BTG4: variants seen among roughly 807,000 people sequenced by gnomAD.
BTG4 encodes protein BTG4.
A neutral mutation model predicts 19.3 loss-of-function variants in BTG4; 10 were observed. That is an observed-to-expected ratio of 0.52 (90% CI 0.32 to 0.88). BTG4 has a LOEUF of 0.88. Ranked by LOEUF, BTG4 falls within the 40% of genes least tolerant of loss-of-function variation. BTG4 has a pLI of 0.04. For missense variants in BTG4, 238 were observed against 281.9 expected, an observed-to-expected ratio of 0.84 and a Z score of 1.11; for synonymous variants, 91 against 95.7, an observed-to-expected ratio of 0.95 and a Z score of 0.29.
chr11:111,409,884 A>C, the BTG4 span, among the ~76,000 whole-genome samples: 4 of 152,228 alleles, frequency 2.6e-5, no homozygotes, highest in South Asian at 8.3e-4. Flanking sequence ...CTGCTTTACA[A>C]ATGAATAAGC....
chr11:111,457,334 C>T, the BTG4 span: 1 of 152,804 alleles, frequency 6.5e-6, no homozygotes, highest in African/African-American at 2.4e-5. Flanking sequence ...ATGGGGGGCC[C>T]ATGGAGGATC....
chr11:111,486,436 C>T (rs1865067959), intron 5 of BTG4, among the ~76,000 whole-genome samples: 1 of 152,062 alleles, frequency 6.6e-6, no homozygotes, highest in Non-Finnish European at 1.5e-5. Flanking sequence ...GACCCTGCCT[C>T]CAAATAAATA....
intron 4 of BTG4, among the ~76,000 whole-genome samples, chr11:111,495,625 T>A (rs1865677310): frequency 6.6e-6 from 1 of 152,212 alleles, no homozygotes; most frequent in Admixed American, 6.5e-5. Flanking sequence ...AAACTGCATG[T>A]TCATGATCTC....
At chr11:111,484,823 C>G (rs1864958165) in intron 5 of BTG4, among the ~76,000 whole-genome samples, 1 of 152,116 alleles carries the variant, frequency 6.6e-6, no homozygotes, top group Non-Finnish European at 1.5e-5. Flanking sequence ...ATTCTCCAAT[C>G]AAAAGACATA....
At chr11:111,463,519 T>C (rs1863536883), downstream of BTG4, 1 of 152,688 alleles carries the variant, frequency 6.5e-6, no homozygotes, top group South Asian at 2.1e-4. Flanking sequence ...CAGCGTTGTC[T>C]TCTGCAGCCA....
downstream of BTG4, among the ~76,000 whole-genome samples, chr11:111,491,793 T>G (rs1865436620): frequency 6.6e-6 from 1 of 150,892 alleles, no homozygotes; most frequent in African/African-American, 2.4e-5. Context: ...TGGTACATAC[T>G]CATCATAGAA....
chr11:111,491,267 G>A (rs1865397384), downstream of BTG4, among the ~76,000 whole-genome samples: 1 of 152,178 alleles, frequency 6.6e-6, no homozygotes, highest in Non-Finnish European at 1.5e-5. Context: ...GGCAACAAGA[G>A]GAATTCTTGT....
At chr11:111,408,913 A>G in the BTG4 span, among the ~76,000 whole-genome samples, 1 of 152,176 alleles carries the variant, frequency 6.6e-6, no homozygotes, top group East Asian at 1.9e-4. Flanking sequence ...AAGGAGACAC[A>G]AGGTGCTGTG....
the BTG4 span, among the ~76,000 whole-genome samples, chr11:111,388,790 G>A: frequency 6.6e-6 from 1 of 152,210 alleles, no homozygotes; most frequent in East Asian, 1.9e-4. Context: ...GGGGATGCTG[G>A]TGGTTTGATC....
the BTG4 span, among the ~76,000 whole-genome samples, chr11:111,425,193 G>A: frequency 1.3e-5 from 2 of 152,208 alleles, no homozygotes; most frequent in African/African-American, 4.8e-5. Context: ...TAGGAAAAAT[G>A]AAGGGTATTT....
the BTG4 span, among the ~76,000 whole-genome samples, chr11:111,395,937 G>A: frequency 3.9e-5 from 6 of 152,294 alleles, no homozygotes; most frequent in South Asian, 2.1e-4. Context: ...TCCACCAGCC[G>A]GTGCAGCTAT....
At chr11:111,432,532 T>C in the BTG4 span, among the ~76,000 whole-genome samples, 1 of 152,040 alleles carries the variant, frequency 6.6e-6, no homozygotes, top group African/African-American at 2.4e-5. Context: ...TAATCCCAGC[T>C]ACTTGGGAGG....
chr11:111,455,273 G>A, the BTG4 span: 2 of 347,352 alleles, frequency 5.8e-6, no homozygotes, highest in South Asian at 2.2e-5. Context: ...CTGCTGCCAT[G>A]CCTGTCCAGA....
At chr11:111,437,300 G>A in the BTG4 span, among the ~76,000 whole-genome samples, 1 of 152,058 alleles carries the variant, frequency 6.6e-6, no homozygotes, top group Non-Finnish European at 1.5e-5. Context: ...CTGTGGAATG[G>A]AGGAGATCAT....
chr11:111,408,065 G>A, the BTG4 span, among the ~76,000 whole-genome samples: 71 of 152,190 alleles, frequency 4.7e-4, 1 homozygote, highest in Admixed American at 2.6e-4. Context: ...CCTCCACTCT[G>A]CACAGGCTTA....
chr11:111,434,718 A>G, the BTG4 span, among the ~76,000 whole-genome samples: 1 of 151,050 alleles, frequency 6.6e-6, no homozygotes, highest in African/African-American at 2.5e-5. Flanking sequence ...AAAAAAAAAA[A>G]GTTTGTCCGT....
the BTG4 span, among the ~76,000 whole-genome samples, chr11:111,432,007 T>C: frequency 1.4e-5 from 2 of 147,244 alleles, no homozygotes; most frequent in Non-Finnish European, 3.0e-5. Flanking sequence ...AAGGTCAGAA[T>C]TACAAAAAAA....
At chr11:111,510,547 G>A (rs1184751576) in intron 1 of BTG4, among the ~76,000 whole-genome samples, 2 of 152,004 alleles carry the variant, frequency 1.3e-5, no homozygotes, top group Non-Finnish European at 2.9e-5. Flanking sequence ...CTCCAGGCAT[G>A]CCTAGACATG....
the BTG4 span, among the ~76,000 whole-genome samples, chr11:111,445,267 T>C: frequency 6.6e-6 from 1 of 152,208 alleles, no homozygotes; most frequent in Non-Finnish European, 1.5e-5. Context: ...CTCCCTTCCC[T>C]AATCCAGCAG....
Sources: gnomAD v4.1 joint callset for allele counts (sites outside exome capture counted in the v4.1 genomes callset) on GRCh38, gnomAD v4.1.1 for gene constraint, MANE v1.5 for transcripts, NCBI Gene and HGNC (gene_info 2026-07-23, HGNC 2026-07-21) for gene names.